Variants in EIF2A observed in about 807,000 individuals in gnomAD.
EIF2A encodes eukaryotic translation initiation factor 2A, also known as 65 kDa eukaryotic translation initiation factor 2A.
EIF2A carries 62 observed loss-of-function variants against 75.2 expected under a neutral mutation model. That is an observed-to-expected ratio of 0.82 (90% confidence interval 0.67 to 1.02). EIF2A has a LOEUF of 1.02. Among genes scored for constraint, EIF2A ranks in the 50% least tolerant of loss-of-function variants. EIF2A has a pLI of 0.00. For synonymous variants in EIF2A, 207 were observed against 239.0 expected (o/e 0.87, Z 1.23); for missense variants, 611 against 677.7 (o/e 0.90, Z 1.09).
chr3:150,547,032 C>G, intron 1 of EIF2A: 1 of 613,230 alleles, frequency 1.6e-6, no homozygotes, highest in Non-Finnish European at 2.8e-6. Context: ...TATTCCCCCT[C>G]CCTTTCACCC....
intron 6 of EIF2A, 48 bp from the exon 7 acceptor site, chr3:150,567,645 C>G (rs942746698): frequency 1.6e-6 from 2 of 1,262,566 alleles, no homozygotes; most frequent in East Asian, 2.5e-5. Context: ...TTAACATGTT[C>G]CTTTTAGGTT....
rs147403581 is a variant in EIF2A, at chr3:150,549,143, A to G, written c.28+2313A>G. The stretch of plus-strand genomic sequence containing the variant: ...AAGGGATTTTTTTTTTTAAACTCGT[A>G]TAACCTAAAAGCCTCAGTACTGCTA... On this transcript the variant is annotated intron_variant, in intron 1 of 13. Transcript: ENST00000460851. Among the ~76,000 whole-genome samples the G allele has an allele frequency of 7.8e-3, 1,180 of 151,968 alleles. 10 individuals are homozygous for G. Among genetic ancestry groups the G allele is most frequent in the Non-Finnish European group, 0.012 (785 of 67,978 alleles).
At position 150,564,334 on chromosome 3, in the gene EIF2A, C is replaced by T. The variant is rs561839835; in HGVS notation, c.428C>T (p.Ala143Val). The T allele has an allele frequency of 1.5e-5, 24 of 1,597,466 alleles. 1 individual carries two copies. Among genetic ancestry groups the T allele is most frequent in the African/African-American group, 1.2e-4 (9 of 73,930 alleles). The change falls in exon 6 of 14, where the codon GCC becomes GTC. Residue 143 changes from alanine to valine, a missense_variant. Ala to Val is a moderately conservative substitution (Grantham distance 64, BLOSUM62 0). Coordinates refer to ENST00000460851, the MANE Select transcript of EIF2A (RefSeq NM_032025.5). ...PSWSEDETLC[A>V]RNVNNEVHFF... ...TGGTCAGAAGATGAAACTCTTTGTG[C>T]CCGCAATGTTAACAATGAAGTTCAC... is the stretch of plus-strand genomic sequence containing the variant.
At chr3:150,553,783 A>G (rs751247967) in intron 2 of EIF2A, among the ~76,000 whole-genome samples, 102 of 152,226 alleles carry the variant, frequency 6.7e-4, no homozygotes, top group Non-Finnish European at 1.3e-3. Flanking sequence ...AATTAATTGT[A>G]TTAATGTTGT....
At chr3:150,579,436 G>T (rs1045323110) in intron 11 of EIF2A, among the ~76,000 whole-genome samples, 1 of 152,140 alleles carries the variant, frequency 6.6e-6, no homozygotes, top group Non-Finnish European at 1.5e-5. Flanking sequence ...TTGGCTGGAT[G>T]CAGTGGCTCA....
At chr3:150,569,076 T>C (rs534689164) in intron 9 of EIF2A, among the ~76,000 whole-genome samples, 2 of 152,338 alleles carry the variant, frequency 1.3e-5, no homozygotes, top group Non-Finnish European at 2.9e-5. Flanking sequence ...ACTATTTCCA[T>C]TGAAGTCAGA....
At chr3:150,582,460 G>A (rs1302634942) in intron 12 of EIF2A, among the ~76,000 whole-genome samples, 2 of 151,728 alleles carry the variant, frequency 1.3e-5, no homozygotes, top group East Asian at 1.9e-4. Context: ...GACTACAGGC[G>A]CCTGCCACCA....
intron 3 of EIF2A, among the ~76,000 whole-genome samples, chr3:150,559,840 CTT>C (rs1723758151): frequency 6.6e-6 from 1 of 152,036 alleles, no homozygotes. Flanking sequence ...TATAATGAGT[CTT>C]ATCTACAATG....
rs1022861775 is a variant in EIF2A at position 150,585,225 on chromosome 3, A to G, written c.*1314A>G. Among the ~76,000 whole-genome samples, 1 of 152,112 alleles carries G rather than the reference A, an allele frequency of 6.6e-6. No individual in the cohort carries two copies. The highest frequency in any genetic ancestry group is 1.5e-5 in the Non-Finnish European group (1 of 68,016). Reference sequence around the variant, plus strand: ...CACCATAGTGGTTCTGTACTCCCTTAAAATATTCTGGAGGCCAGGCATGCT... The same window carrying G: ...CACCATAGTGGTTCTGTACTCCCTTGAAATATTCTGGAGGCCAGGCATGCT... On this transcript the variant is annotated 3_prime_UTR_variant, in exon 14 of 14. Transcript: ENST00000460851.
At chr3:150,549,741 C>T (rs977982702) in intron 1 of EIF2A, among the ~76,000 whole-genome samples, 6 of 152,114 alleles carry the variant, frequency 3.9e-5, no homozygotes, top group African/African-American at 9.7e-5. Flanking sequence ...TCCCACTCCT[C>T]GATACTCCTC....
At chr3:150,555,063 G>T (rs1723489305) in intron 2 of EIF2A, among the ~76,000 whole-genome samples, 1 of 152,088 alleles carries the variant, frequency 6.6e-6, no homozygotes, top group Admixed American at 6.6e-5. Context: ...AAGTAGCTGG[G>T]ACTATAGGCG....
chr3:150,583,299 G>T, intron 13 of EIF2A, 34 bp downstream of exon 13: 2 of 1,581,620 alleles, frequency 1.3e-6, no homozygotes, highest in Non-Finnish European at 8.7e-7. Context: ...GGCTTGTGGT[G>T]ACCACCAGCC....
intron 3 of EIF2A, among the ~76,000 whole-genome samples, chr3:150,560,714 G>GTT (rs1723801736): frequency 8.2e-6 from 1 of 122,174 alleles, no homozygotes; most frequent in Non-Finnish European, 1.7e-5. Context: ...AAGATGGAGA[G>GTT]TCTTTTTTTT....
In EIF2A at chr3:150,572,051, T is replaced by G; in HGVS notation, c.905T>G (p.Phe302Cys). 1 of 1,614,018 alleles carries G rather than the reference T, an allele frequency of 6.2e-7. No individual in the cohort carries two copies. The highest frequency in any genetic ancestry group is 8.5e-7 in the Non-Finnish European group (1 of 1,179,902). ...YGFMPAKATIFNLKCDPVFDF... is the reference protein window; with the variant it reads ...YGFMPAKATICNLKCDPVFDF... Reference sequence around the variant, plus strand: ...TTTATGCCTGCCAAAGCGACAATTTTCAACTTGAAATGTGATCCTGTATTT... The same window carrying G: ...TTTATGCCTGCCAAAGCGACAATTTGCAACTTGAAATGTGATCCTGTATTT... Residue 302 changes from phenylalanine to cysteine, a missense_variant, in exon 10 of 14, where the codon TTC becomes TGC. By Grantham distance (205) the Phe-to-Cys change is radical. Transcript: ENST00000460851.
At chr3:150,573,820 C>A (rs751505227) in intron 10 of EIF2A, among the ~76,000 whole-genome samples, 10 of 151,948 alleles carry the variant, frequency 6.6e-5, no homozygotes, top group Non-Finnish European at 1.3e-4. Context: ...TGGGGTTCGT[C>A]CCTCACAGAA....
chr3:150,577,306 T>C (rs1421235361), intron 11 of EIF2A, among the ~76,000 whole-genome samples: 1 of 152,132 alleles, frequency 6.6e-6, no homozygotes, highest in Non-Finnish European at 1.5e-5. Flanking sequence ...AACACCAATA[T>C]GTCAGACTGT....
chr3:150,556,884 G>A (rs1723598308), intron 2 of EIF2A, among the ~76,000 whole-genome samples: 1 of 152,150 alleles, frequency 6.6e-6, no homozygotes, highest in Admixed American at 6.5e-5. Flanking sequence ...ATTGTTTCAA[G>A]CTTATCTCGT....
rs1369339626 is a variant in EIF2A at position 150,558,471 on chromosome 3, T to C, written c.173+9T>C. The stretch of plus-strand genomic sequence containing the variant: ...TGGGGCAATGGAGAAAAGTTAGTGT[T>C]CATTTACATAACATATTTTGTGTGT... On this transcript the variant is annotated intron_variant, in intron 3 of 13. Transcript: ENST00000460851. 1 of 1,489,876 alleles carries C rather than the reference T, an allele frequency of 6.7e-7. No individual in the cohort carries two copies. Among genetic ancestry groups the C allele is most frequent in the Admixed American group, 3.0e-5 (1 of 32,874 alleles). 92.3% of individuals were successfully genotyped at this position (1,489,876 alleles called of 1,614,324 possible).
intron 9 of EIF2A, among the ~76,000 whole-genome samples, chr3:150,568,759 T>C (rs533469460): frequency 8.8e-4 from 134 of 151,712 alleles, no homozygotes; most frequent in African/African-American, 3.0e-3. Flanking sequence ...CTACAAAAAA[T>C]AGAAAAAGTT....
Sources: allele counts gnomAD v4.1 joint callset (sites outside exome capture counted in the v4.1 genomes callset), GRCh38; gene constraint gnomAD v4.1.1; transcripts MANE v1.5; gene names NCBI Gene and HGNC (gene_info 2026-07-23, HGNC 2026-07-21).